FBXL17: variants seen among roughly 807,000 people sequenced by gnomAD.
FBXL17 encodes the protein F-box/LRR-repeat protein 17.
A neutral mutation model predicts 66.2 loss-of-function variants in FBXL17; 22 were observed. That is an observed-to-expected ratio of 0.33 (90% CI 0.24 to 0.47). FBXL17 has a LOEUF of 0.47. FBXL17 is among the 20% of genes least tolerant of loss of function. FBXL17 has a pLI of 1.00. For synonymous variants in FBXL17, 474 were observed against 400.5 expected, an observed-to-expected ratio of 1.18 and a Z score of -2.19; for missense variants, 878 against 948.2, an observed-to-expected ratio of 0.93 and a Z score of 0.97.
intron 6 of FBXL17, among the ~76,000 whole-genome samples, chr5:108,029,704 C>A (rs1421042243): frequency 6.6e-6 from 1 of 151,604 alleles, no homozygotes; most frequent in African/African-American, 2.4e-5. Context: ...AGGCATCAAC[C>A]AATAATTCTC....
At chr5:108,096,253 C>T (rs992464816) in intron 6 of FBXL17, among the ~76,000 whole-genome samples, 2 of 152,144 alleles carry the variant, frequency 1.3e-5, no homozygotes, top group Admixed American at 1.3e-4. Flanking sequence ...TTTTTCAGCT[C>T]AGTAAGAAGC....
At chr5:108,010,663 T>C (rs1754141341) in intron 7 of FBXL17, among the ~76,000 whole-genome samples, 1 of 152,076 alleles carries the variant, frequency 6.6e-6, no homozygotes, top group Non-Finnish European at 1.5e-5. Context: ...ATAACGTGCA[T>C]AAGAAGAGCC....
intron 6 of FBXL17, among the ~76,000 whole-genome samples, chr5:108,076,658 T>C (rs1748558922): frequency 6.6e-6 from 1 of 152,142 alleles, no homozygotes; most frequent in South Asian, 2.1e-4. Flanking sequence ...AAAGCTACCT[T>C]AAGTAGGAAA....
At chr5:107,962,156 G>A (rs1751939249) in intron 7 of FBXL17, among the ~76,000 whole-genome samples, 1 of 152,106 alleles carries the variant, frequency 6.6e-6, no homozygotes, top group African/African-American at 2.4e-5. Flanking sequence ...AGATAGTGGT[G>A]ATGGTTGTAC....
At chr5:108,007,481 C>T (rs1163547216) in intron 7 of FBXL17, among the ~76,000 whole-genome samples, 1 of 152,020 alleles carries the variant, frequency 6.6e-6, no homozygotes, top group African/African-American at 2.4e-5. Flanking sequence ...CAAAAATACA[C>T]TACACAGCTT....
chr5:108,134,861 T>C (rs1356708550), intron 6 of FBXL17, among the ~76,000 whole-genome samples: 1 of 152,176 alleles, frequency 6.6e-6, no homozygotes, highest in African/African-American at 2.4e-5. Context: ...ATTAAGTCTT[T>C]CCTGCATTTG....
chr5:107,958,893 A>C (rs1751775675), intron 7 of FBXL17, among the ~76,000 whole-genome samples: 1 of 152,214 alleles, frequency 6.6e-6, no homozygotes, highest in African/African-American at 2.4e-5. Context: ...CATGTTCTAA[A>C]TTGTATATAG....
chr5:107,955,224 G>C (rs1751623240), intron 7 of FBXL17, among the ~76,000 whole-genome samples: 1 of 151,860 alleles, frequency 6.6e-6, no homozygotes, highest in South Asian at 2.1e-4. Flanking sequence ...GTAAGTACTA[G>C]GCCAAAGGAC....
chr5:108,125,511 T>C (rs1021755623), intron 6 of FBXL17, among the ~76,000 whole-genome samples: 1 of 152,074 alleles, frequency 6.6e-6, no homozygotes, highest in Non-Finnish European at 1.5e-5. Flanking sequence ...TATCCTGAAA[T>C]AAGAACTTCC....
chr5:108,264,913 A>C (rs1298460309), intron 4 of FBXL17, among the ~76,000 whole-genome samples: 3 of 151,810 alleles, frequency 2.0e-5, no homozygotes, highest in Non-Finnish European at 4.4e-5. Context: ...TGTTTTTTAA[A>C]TTATATCATT....
intron 6 of FBXL17, among the ~76,000 whole-genome samples, chr5:108,088,551 A>G (rs1749059675): frequency 6.6e-6 from 1 of 151,860 alleles, no homozygotes; most frequent in African/African-American, 2.4e-5. Context: ...AATGCAAAAA[A>G]TTATCTGGGC....
chr5:108,265,655 T>C (rs1489950202), intron 4 of FBXL17, among the ~76,000 whole-genome samples: 2 of 152,320 alleles, frequency 1.3e-5, no homozygotes, highest in African/African-American at 4.8e-5. Context: ...TGCACTATTA[T>C]TAAATATCTT....
chr5:108,198,555 C>T (rs1386018684), intron 5 of FBXL17, among the ~76,000 whole-genome samples: 1 of 152,122 alleles, frequency 6.6e-6, no homozygotes, highest in South Asian at 2.1e-4. Context: ...GAACACTTTC[C>T]AGGTGAGAAA....
At chr5:108,001,122 A>T (rs1476860920) in intron 7 of FBXL17, among the ~76,000 whole-genome samples, 1 of 152,210 alleles carries the variant, frequency 6.6e-6, no homozygotes, top group East Asian at 1.9e-4. Context: ...AAAGGTAAAA[A>T]GAAGAAAAAT....
Position 108,355,833 on chromosome 5 carries a change from AG to A in FBXL17, c.1375-7304del, listed in dbSNP as rs552521540. ...AAGACAAAAATATTAGCAAAGAACT[AG>A]GGCAGCAAATAGTAAACATTAACGG... On this transcript the variant is annotated intron_variant, in intron 3 of 8. Coordinates refer to ENST00000542267, the MANE Select transcript of FBXL17 (RefSeq NM_001163315.3). Among the ~76,000 whole-genome samples, 247 of 152,316 alleles carry A rather than the reference AG, an allele frequency of 1.6e-3. 1 individual carries two copies. Among genetic ancestry groups the A allele is most frequent in the Non-Finnish European group, 2.7e-3 (182 of 68,022 alleles).
intron 6 of FBXL17, among the ~76,000 whole-genome samples, chr5:108,110,887 G>C (rs1285422138): frequency 6.6e-6 from 1 of 152,104 alleles, no homozygotes; most frequent in African/African-American, 2.4e-5. Context: ...CTTCTAAAGA[G>C]TGGTTAAACT....
At chr5:108,134,229 G>C (rs550673731) in intron 6 of FBXL17, among the ~76,000 whole-genome samples, 1 of 152,028 alleles carries the variant, frequency 6.6e-6, no homozygotes, top group African/African-American at 2.4e-5. Flanking sequence ...CCAAACTCTT[G>C]TATTTCATCT....
chr5:107,861,459 G>A lies in FBXL17; in HGVS notation c.*261C>T, dbSNP rs926078925. The A allele has an allele frequency of 3.8e-6, 1 of 266,242 alleles. No individual in the cohort carries two copies. Among genetic ancestry groups the A allele is most frequent in the Non-Finnish European group, 6.9e-6 (1 of 144,308 alleles). The allele number at this position is 266,242 out of a possible 1,614,324, so 16.5% of individuals were successfully genotyped here. ...ATATTAAAAATAATTTTTTTTTAAA[G>A]AGAAAGAAGCCTTTGAAGTTAAAAA... is the stretch of plus-strand genomic sequence containing the variant. On this transcript the variant is annotated 3_prime_UTR_variant, in exon 9 of 9. Transcript: ENST00000542267.
chr5:108,088,045 A>G lies in FBXL17; in HGVS notation c.1746-67044T>C, dbSNP rs192113356. Among the ~76,000 whole-genome samples the G allele has an allele frequency of 3.4e-4, 52 of 152,330 alleles. No individual in the cohort carries two copies. The East Asian group carries it at 7.5e-3, about 22-fold the overall frequency. On this transcript the variant is annotated intron_variant, in intron 6 of 8. Transcript: ENST00000542267. ...TGTATAATCTGGGTAAGATTTAAAT[A>G]TATAGATGATGGGAAATAGATATTT...
Sources: allele counts gnomAD v4.1 joint callset (sites outside exome capture counted in the v4.1 genomes callset), GRCh38; gene constraint gnomAD v4.1.1; transcripts MANE v1.5; gene names NCBI Gene and HGNC (gene_info 2026-07-23, HGNC 2026-07-21).